The following DCC variants were observed in gnomAD, a reference collection of about 807,000 sequenced individuals.
The protein encoded by DCC is netrin receptor DCC.
In DCC, 58 loss-of-function variants were observed where a neutral mutation model predicts 172.5. The observed-to-expected ratio is 0.34, with a 90% CI of 0.27 to 0.42. DCC has a LOEUF of 0.42. Ranked by LOEUF, DCC falls within the 10% of genes least tolerant of loss-of-function variation. The probability of loss-of-function intolerance (pLI) is 1.00; values close to 1 mark genes in which losing one functional copy is unlikely to be tolerated. For synonymous variants in DCC, 709 were observed against 644.5 expected, an observed-to-expected ratio of 1.10 and a Z score of -1.52; for missense variants, 1,740 against 1,791.0, an observed-to-expected ratio of 0.97 and a Z score of 0.51.
intron 1 of DCC, among the ~76,000 whole-genome samples, chr18:52,473,757 A>G (rs1989012186): frequency 6.6e-6 from 1 of 152,088 alleles, no homozygotes; most frequent in Non-Finnish European, 1.5e-5. Flanking sequence ...ACAATTCAAG[A>G]TGAGATTTGG....
chr18:53,284,900 G>A (rs2056918424), intron 12 of DCC, among the ~76,000 whole-genome samples: 1 of 152,168 alleles, frequency 6.6e-6, no homozygotes, highest in Admixed American at 6.5e-5. Context: ...CTCTTGTTAT[G>A]TTTTAGCAAA....
chr18:52,542,952 A>AAT (rs1488202236), intron 1 of DCC, among the ~76,000 whole-genome samples: 2 of 152,208 alleles, frequency 1.3e-5, no homozygotes, highest in Admixed American at 1.3e-4. Flanking sequence ...AATGCTATTG[A>AAT]ATATTCGAAG....
chr18:52,446,775 G>A (rs189033592), intron 1 of DCC, among the ~76,000 whole-genome samples: 14 of 152,316 alleles, frequency 9.2e-5, no homozygotes, highest in Non-Finnish European at 2.1e-4. Context: ...TGAAGAGAGT[G>A]ATGGAACCAA....
rs112439767 is a variant in DCC, at chr18:53,101,056, C to G, written c.1261+34890C>G. 9.6e-3 allele frequency among the ~76,000 whole-genome samples: 1,468 copies of G among 152,136 alleles called. 33 individuals carry two copies. The highest frequency in any genetic ancestry group is 0.033 in the African/African-American group (1,364 of 41,512). On this transcript the variant is annotated intron_variant, in intron 7 of 28. Coordinates refer to ENST00000442544, the MANE Select transcript of DCC (RefSeq NM_005215.4). ...AATTAACATTTATTTGGATGGCTGT[C>G]TTTTTTGCTTTCCTAATAACAGTGT... is the stretch of plus-strand genomic sequence containing the variant.
intron 1 of DCC, among the ~76,000 whole-genome samples, chr18:52,368,957 T>A (rs1984996839): frequency 6.6e-6 from 1 of 152,204 alleles, no homozygotes; most frequent in Non-Finnish European, 1.5e-5. Flanking sequence ...TGATCCTCCA[T>A]GTGGTGAGAA....
intron 15 of DCC, among the ~76,000 whole-genome samples, chr18:53,382,666 C>A (rs760265425): frequency 1.4e-4 from 21 of 152,176 alleles, no homozygotes; most frequent in Non-Finnish European, 2.2e-4. Context: ...GATCTCAAAG[C>A]GCATTTAACA....
chr18:52,568,061 T>G (rs1330763163), intron 1 of DCC, among the ~76,000 whole-genome samples: 4 of 152,180 alleles, frequency 2.6e-5, no homozygotes, highest in Non-Finnish European at 5.9e-5. Context: ...CTAATGACAG[T>G]TCTTTAACTG....
At chr18:53,119,747 C>A (rs1231782274) in intron 7 of DCC, among the ~76,000 whole-genome samples, 2 of 151,700 alleles carry the variant, frequency 1.3e-5, no homozygotes, top group African/African-American at 4.8e-5. Flanking sequence ...AGTTTCCAGT[C>A]ACCTCTTAGG....
Position 53,499,446 on chromosome 18 carries a change from G to C in DCC, c.4047G>C (p.Leu1349Phe). 6.2e-7 allele frequency: 1 copy of C among 1,614,070 alleles called. No individual in the cohort carries two copies. The highest frequency in any genetic ancestry group is 8.5e-7 in the Non-Finnish European group (1 of 1,179,996). ...THPLRSFANP[L>F]LPPPMSAIEP... is the part of the protein sequence containing the mutation. ...CACTCCGCAGCTTTGCTAATCCTTT[G>C]CTACCTCCACCAATGAGTGCAATAG... Residue 1349 changes from leucine to phenylalanine, a missense_variant, in exon 27 of 29, where the codon TTG becomes TTC. Coordinates refer to ENST00000442544, the MANE Select transcript of DCC (RefSeq NM_005215.4).
chr18:53,399,904 C>CAAA (rs1234594700), intron 18 of DCC, among the ~76,000 whole-genome samples: 2 of 160 alleles, frequency 0.013, no homozygotes, highest in African/African-American at 0.013. Context: ...GACTCCGTCT[C>CAAA]AAAAAAAAAA....
chr18:53,374,559 C>T (rs1346710404), intron 15 of DCC, among the ~76,000 whole-genome samples: 1 of 152,186 alleles, frequency 6.6e-6, no homozygotes, highest in African/African-American at 2.4e-5. Context: ...CACATTCATA[C>T]ACACACGTAC....
chr18:52,366,425 A>T (rs1984859543), intron 1 of DCC, among the ~76,000 whole-genome samples: 1 of 152,160 alleles, frequency 6.6e-6, no homozygotes, highest in Non-Finnish European at 1.5e-5. Context: ...GGCCCCACCC[A>T]CATCCTGCTG....
intron 5 of DCC, among the ~76,000 whole-genome samples, chr18:53,057,925 A>G (rs1393701143): frequency 6.6e-6 from 1 of 152,110 alleles, no homozygotes; most frequent in Non-Finnish European, 1.5e-5. Flanking sequence ...CTTATATAAT[A>G]AGTAGTGTAA....
intron 5 of DCC, among the ~76,000 whole-genome samples, chr18:53,051,660 C>G (rs1485057048): frequency 7.9e-5 from 12 of 152,050 alleles, no homozygotes; most frequent in Non-Finnish European, 1.5e-4. Context: ...CCATTGTATT[C>G]TGATATTGGA....
At chr18:52,728,187 C>G (rs2036582605) in intron 1 of DCC, among the ~76,000 whole-genome samples, 1 of 152,058 alleles carries the variant, frequency 6.6e-6, no homozygotes, top group African/African-American at 2.4e-5. Context: ...CTCTCTCTCT[C>G]TCTCTCTCAA....
chr18:53,216,195 G>A (rs1167445593), intron 12 of DCC, among the ~76,000 whole-genome samples: 7 of 152,152 alleles, frequency 4.6e-5, no homozygotes, highest in Non-Finnish European at 8.8e-5. Flanking sequence ...TAATGCCAGA[G>A]GTCAGTTTTC....
Position 52,917,022 on chromosome 18 carries a change from C to A in DCC, c.698-6685C>A, listed in dbSNP as rs186736109. On this transcript the variant is annotated intron_variant, in intron 3 of 28. Coordinates refer to ENST00000442544, the MANE Select transcript of DCC (RefSeq NM_005215.4). ...AATAGACTGGGCACAGTGGCTCATG[C>A]CCATAATCCCAGCAACTTGGGAGGC... Among the ~76,000 whole-genome samples, 331 of 149,810 alleles carry A rather than the reference C, an allele frequency of 2.2e-3. 5 individuals are homozygous for A. The highest frequency in any genetic ancestry group is 7.7e-3 in the African/African-American group (312 of 40,676).
At chr18:52,378,549 C>CT (rs1271861259) in intron 1 of DCC, among the ~76,000 whole-genome samples, 1 of 151,830 alleles carries the variant, frequency 6.6e-6, no homozygotes, top group East Asian at 1.9e-4. Flanking sequence ...AATATATATA[C>CT]TTTTTTTGAG....
chr18:53,023,458 TA>T (rs2041913452), intron 5 of DCC, among the ~76,000 whole-genome samples: 1 of 143,486 alleles, frequency 7.0e-6, no homozygotes. Context: ...CAGATTTTGG[TA>T]ATACGTCTTC....
Sources: gnomAD v4.1 joint callset for allele counts (sites outside exome capture counted in the v4.1 genomes callset) on GRCh38, gnomAD v4.1.1 for gene constraint, MANE v1.5 for transcripts, NCBI Gene and HGNC (gene_info 2026-07-23, HGNC 2026-07-21) for gene names.